The following GRB14 variants were observed in gnomAD, a reference collection of about 807,000 sequenced individuals.
GRB14 encodes growth factor receptor bound protein 14.
A neutral mutation model predicts 69.1 loss-of-function variants in GRB14; 38 were observed. The observed-to-expected ratio is 0.55, with a 90% CI of 0.42 to 0.72. The LOEUF (loss-of-function observed/expected upper bound fraction) is 0.72, where lower values mean the gene tolerates loss of function less well. Among genes scored for constraint, GRB14 ranks in the 30% least tolerant of loss-of-function variants. The pLI, the probability that GRB14 is intolerant of heterozygous loss-of-function variation, is 0.00. For synonymous variants in GRB14, 247 were observed against 241.3 expected (o/e 1.02, Z -0.22); for missense variants, 666 against 666.1 (o/e 1.00, Z 0.00).
intron 2 of GRB14, among the ~76,000 whole-genome samples, chr2:164,553,235 A>G (rs1002719423): frequency 3.9e-5 from 6 of 152,218 alleles, no homozygotes; most frequent in African/African-American, 1.4e-4. Flanking sequence ...GCAAGAGGTA[A>G]AGTTGGATAA....
chr2:164,494,501 T>C lies in GRB14; in HGVS notation c.1406A>G (p.Gln469Arg). The C allele has an allele frequency of 6.3e-7, 1 of 1,587,290 alleles. No homozygotes were observed. The highest frequency in any genetic ancestry group is 2.2e-5 in the East Asian group (1 of 44,650). ...CAGTACGAAAGTTTTGGGGTTACTC[T>C]GACTATCCCGTACCAAGAAAACTCT... ...VDGVFLVRDS[Q>R]SNPKTFVLSM... The change falls in exon 13 of 14, where the codon CAG becomes CGG. Residue 469 changes from glutamine to arginine, a missense_variant. Coordinates refer to ENST00000263915, the MANE Select transcript of GRB14 (RefSeq NM_004490.3).
intron 2 of GRB14, among the ~76,000 whole-genome samples, chr2:164,587,563 A>G (rs1349286477): frequency 6.6e-6 from 1 of 152,148 alleles, no homozygotes; most frequent in Non-Finnish European, 1.5e-5. Context: ...ATAATGTCAT[A>G]TTGCTTATAT....
At chr2:164,603,423 G>A (rs1348953600) in intron 2 of GRB14, among the ~76,000 whole-genome samples, 1 of 152,118 alleles carries the variant, frequency 6.6e-6, no homozygotes, top group Non-Finnish European at 1.5e-5. Flanking sequence ...TAGCACTTTA[G>A]GAGGCTGAGG....
chr2:164,511,415 C>T (rs1300752227), intron 6 of GRB14, among the ~76,000 whole-genome samples: 3 of 152,128 alleles, frequency 2.0e-5, no homozygotes, highest in Non-Finnish European at 4.4e-5. Context: ...ATCTTGGATA[C>T]CAGCTTAGCC....
At chr2:164,574,885 A>T (rs1203413725) in intron 2 of GRB14, among the ~76,000 whole-genome samples, 1 of 150,970 alleles carries the variant, frequency 6.6e-6, no homozygotes, top group African/African-American at 2.4e-5. Flanking sequence ...TTGAGGCTGC[A>T]CTCCACTGAA....
At chr2:164,495,333 G>T (rs1203368122) in intron 12 of GRB14, among the ~76,000 whole-genome samples, 1 of 151,964 alleles carries the variant, frequency 6.6e-6, no homozygotes. Context: ...TAGCAAGAAA[G>T]AAATCAATAT....
At chr2:164,511,218 T>C (rs917323977) in intron 6 of GRB14, among the ~76,000 whole-genome samples, 3 of 152,202 alleles carry the variant, frequency 2.0e-5, no homozygotes, top group Non-Finnish European at 4.4e-5. Context: ...GTCCTAGTGA[T>C]GAGCTGGGAT....
At chr2:164,512,803 C>T (rs941005807) in intron 6 of GRB14, among the ~76,000 whole-genome samples, 2 of 152,164 alleles carry the variant, frequency 1.3e-5, no homozygotes, top group Non-Finnish European at 2.9e-5. Flanking sequence ...TTTGCAGCTC[C>T]ATATCTCCTA....
intron 4 of GRB14, among the ~76,000 whole-genome samples, chr2:164,526,569 G>A (rs1396288414): frequency 2.0e-5 from 3 of 151,970 alleles, no homozygotes; most frequent in South Asian, 2.1e-4. Context: ...ACAATCATTA[G>A]TCTGCTTTTA....
intron 2 of GRB14, among the ~76,000 whole-genome samples, chr2:164,581,549 G>A (rs1263975983): frequency 1.3e-5 from 2 of 152,116 alleles, no homozygotes; most frequent in Admixed American, 6.5e-5. Context: ...AAAAGGAAAC[G>A]GATCTCCACA....
In GRB14 at chr2:164,561,841, T is replaced by G. The variant is rs752037382; in HGVS notation, c.325-14025A>C. On this transcript the variant is annotated intron_variant, in intron 2 of 13. Transcript: ENST00000263915. ...TGTAGCTGCTATTTTTTATTGTTCT[T>G]TGTGAAGGGCAATACTCTGTGTGAA... Among the ~76,000 whole-genome samples the G allele has an allele frequency of 1.1e-3, 168 of 152,156 alleles. 3 individuals are homozygous for G. The highest frequency in any genetic ancestry group is 1.7e-3 in the Admixed American group (26 of 15,276).
intron 6 of GRB14, among the ~76,000 whole-genome samples, chr2:164,518,344 A>C (rs1397285672): frequency 6.6e-6 from 1 of 152,198 alleles, no homozygotes; most frequent in Non-Finnish European, 1.5e-5. Flanking sequence ...ACAACCTATC[A>C]AAACATCTGG....
chr2:164,593,982 T>C (rs975446794), intron 2 of GRB14, among the ~76,000 whole-genome samples: 11 of 152,274 alleles, frequency 7.2e-5, no homozygotes, highest in Admixed American at 5.9e-4. Flanking sequence ...CATAACACAT[T>C]ATGCAGTACT....
intron 3 of GRB14, among the ~76,000 whole-genome samples, chr2:164,538,115 C>T (rs1688128407): frequency 6.6e-6 from 1 of 152,088 alleles, no homozygotes; most frequent in Non-Finnish European, 1.5e-5. Context: ...TAGCTGCACA[C>T]ATTAAAATGG....
chr2:164,505,638 T>G (rs916831658), intron 8 of GRB14, among the ~76,000 whole-genome samples: 2 of 152,158 alleles, frequency 1.3e-5, no homozygotes, highest in Admixed American at 1.3e-4. Flanking sequence ...TATTTTATTT[T>G]ATATTTATGT....
chr2:164,574,016 C>T, intron 2 of GRB14: 1 of 1,452,866 alleles, frequency 6.9e-7, no homozygotes, highest in East Asian at 2.3e-5. Context: ...GAAGAAAATT[C>T]TTAACATAGA....
intron 2 of GRB14, among the ~76,000 whole-genome samples, chr2:164,617,104 G>A (rs1189829724): frequency 6.6e-6 from 1 of 152,106 alleles, no homozygotes; most frequent in Non-Finnish European, 1.5e-5. Context: ...AGTCTAGGTG[G>A]GGGAAAAAGG....
intron 2 of GRB14, among the ~76,000 whole-genome samples, chr2:164,581,680 TA>T (rs1187130384): frequency 6.6e-6 from 1 of 152,230 alleles, no homozygotes; most frequent in Non-Finnish European, 1.5e-5. Flanking sequence ...TGTGTTGTTT[TA>T]AGTCACCAAA....
chr2:164,599,269 C>T (rs781034694), intron 2 of GRB14, among the ~76,000 whole-genome samples: 1 of 151,006 alleles, frequency 6.6e-6, no homozygotes, highest in Non-Finnish European at 1.5e-5. Context: ...CAATCAAAGC[C>T]TTGGACCAGA....
Sources: allele counts gnomAD v4.1 joint callset (sites outside exome capture counted in the v4.1 genomes callset), GRCh38; gene constraint gnomAD v4.1.1; transcripts MANE v1.5; gene names NCBI Gene and HGNC (gene_info 2026-07-23, HGNC 2026-07-21).